Variants in MOXD1 observed in about 807,000 individuals in gnomAD.
MOXD1 encodes the protein DBH-like monooxygenase protein 1.
In MOXD1, 62 loss-of-function variants were observed where a neutral mutation model predicts 66.6. The observed-to-expected ratio is 0.93, with a 90% confidence interval of 0.76 to 1.15. The LOEUF (loss-of-function observed/expected upper bound fraction) is 1.15. Ranked by LOEUF, MOXD1 falls within the 50% of genes most tolerant of loss-of-function variation. The pLI, the probability that MOXD1 is intolerant of heterozygous loss-of-function variation, is 0.00. For missense variants in MOXD1, 847 were observed against 754.6 expected (o/e 1.12, Z -1.44); for synonymous variants, 303 against 281.9 (o/e 1.07, Z -0.75).
intron 1 of MOXD1, among the ~76,000 whole-genome samples, chr6:132,378,875 CTTTTTTTTTTTTTTTTTTTTTTTTTTT>C (rs3038136): frequency 1.7e-4 from 7 of 41,884 alleles, no homozygotes; most frequent in Non-Finnish European, 4.4e-4. Flanking sequence ...AACACTTCCT[CTTTTTTTTTTTTTTTTTTTTTTTTTTT>C]TTTTTTTTTT....
Position 132,401,256 on chromosome 6 carries a change from TGCA to T in MOXD1, c.168_170del (p.Ala57del). 1 of 1,596,030 alleles carries T rather than the reference TGCA, an allele frequency of 6.3e-7. No individual in the cohort carries two copies. The highest frequency in any genetic ancestry group is 1.9e-4 in the Middle Eastern group (1 of 5,398). Reference sequence around the variant, plus strand: ...GCGAGAAGCCGAAGCCCACGTAGCCTGCAGTGCGCACCTGGAGGCGGAAGGCGA... The same window carrying T: ...GCGAGAAGCCGAAGCCCACGTAGCCTGTGCGCACCTGGAGGCGGAAGGCGA... On this transcript the variant is annotated inframe_deletion, in exon 1 of 12. Coordinates refer to ENST00000367963, the MANE Select transcript of MOXD1 (RefSeq NM_015529.4).
chr6:132,356,552 G>A (rs148756784), intron 4 of MOXD1, among the ~76,000 whole-genome samples: 53 of 152,228 alleles, frequency 3.5e-4, no homozygotes, highest in Admixed American at 1.8e-3. Flanking sequence ...AATACATAAC[G>A]ATATACTTAC....
chr6:132,336,656 C>T (rs1346171670), intron 4 of MOXD1, among the ~76,000 whole-genome samples: 3 of 151,912 alleles, frequency 2.0e-5, no homozygotes, highest in East Asian at 3.9e-4. Context: ...TGTCAAGGGG[C>T]CACAGTCAAG....
chr6:132,348,306 A>G (rs1775706868), intron 4 of MOXD1, among the ~76,000 whole-genome samples: 1 of 152,244 alleles, frequency 6.6e-6, no homozygotes, highest in Admixed American at 6.5e-5. Flanking sequence ...ACAACCACCC[A>G]GGATTCTGTA....
intron 9 of MOXD1, among the ~76,000 whole-genome samples, chr6:132,320,380 G>A (rs1007072716): frequency 1.3e-5 from 2 of 151,994 alleles, no homozygotes; most frequent in African/African-American, 4.8e-5. Context: ...AAAAGACTAA[G>A]GATAGCTTTT....
intron 10 of MOXD1, among the ~76,000 whole-genome samples, chr6:132,303,555 C>T (rs1774595205): frequency 1.3e-5 from 2 of 151,610 alleles, no homozygotes; most frequent in African/African-American, 4.8e-5. Flanking sequence ...GGTTATTATG[C>T]TGTATTGTTA....
At chr6:132,377,030 C>G (rs1776405134) in intron 1 of MOXD1, among the ~76,000 whole-genome samples, 1 of 152,178 alleles carries the variant, frequency 6.6e-6, no homozygotes. Flanking sequence ...AGTCTGGATC[C>G]TTTTTCACTC....
At position 132,372,998 on chromosome 6, in the gene MOXD1, C is replaced by A; in HGVS notation, c.412-1G>T. Reference sequence around the variant, plus strand: ...CCCAGATCACTCTCACAGTGCTATCCTGGGGATCAGACATGGGCATGATTA... The same window carrying A: ...CCCAGATCACTCTCACAGTGCTATCATGGGGATCAGACATGGGCATGATTA... On this transcript the variant is annotated splice_acceptor_variant, in intron 2 of 11. Transcript: ENST00000367963. LOFTEE classifies it high-confidence loss of function. The A allele has an allele frequency of 1.2e-6, 2 of 1,610,036 alleles. No homozygotes were observed. Among genetic ancestry groups the A allele is most frequent in the Non-Finnish European group, 1.7e-6 (2 of 1,177,440 alleles).
At chr6:132,337,386 C>T (rs1052854440) in intron 4 of MOXD1, among the ~76,000 whole-genome samples, 1 of 152,158 alleles carries the variant, frequency 6.6e-6, no homozygotes, top group Non-Finnish European at 1.5e-5. Flanking sequence ...TTTACTCTTC[C>T]AGTTTATTTA....
intron 10 of MOXD1, among the ~76,000 whole-genome samples, chr6:132,305,273 C>A (rs1774662457): frequency 6.6e-6 from 1 of 152,260 alleles, no homozygotes; most frequent in East Asian, 1.9e-4. Flanking sequence ...CCTCTTCAGG[C>A]TTGACCCTGA....
At chr6:132,305,301 G>T (rs1198420343) in intron 10 of MOXD1, among the ~76,000 whole-genome samples, 1 of 152,220 alleles carries the variant, frequency 6.6e-6, no homozygotes, top group East Asian at 1.9e-4. Flanking sequence ...TTCCTCACTG[G>T]GTGGGGCTTC....
In MOXD1 at chr6:132,387,712, C is replaced by A. The variant is rs542634082; in HGVS notation, c.265-12935G>T. On this transcript the variant is annotated intron_variant, in intron 1 of 11. Transcript: ENST00000367963. ...GAGGTTGTAGTGAGCCAAGATCGCG[C>A]CACTGCACTCCAGTCTGGCAAAAAA... is the stretch of plus-strand genomic sequence containing the variant. Among the ~76,000 whole-genome samples the A allele has an allele frequency of 1.8e-3, 263 of 144,218 alleles. 3 individuals carry two copies. The highest frequency in any genetic ancestry group is 6.4e-3 in the African/African-American group (249 of 39,136). 94.6% of individuals were successfully genotyped at this position (144,218 alleles called of 152,430 possible).
At chr6:132,334,603 T>G (rs142338427) in intron 4 of MOXD1, among the ~76,000 whole-genome samples, 17 of 152,330 alleles carry the variant, frequency 1.1e-4, no homozygotes, top group African/African-American at 4.1e-4. Context: ...TTTCTTTGGT[T>G]TTGCTCTGCA....
intron 4 of MOXD1, among the ~76,000 whole-genome samples, chr6:132,334,073 T>C (rs755566990): frequency 6.6e-6 from 1 of 152,244 alleles, no homozygotes; most frequent in Non-Finnish European, 1.5e-5. Flanking sequence ...CCGTTTTTCC[T>C]AATCTCATCA....
intron 4 of MOXD1, among the ~76,000 whole-genome samples, chr6:132,334,581 A>C (rs1775398253): frequency 6.6e-6 from 1 of 152,246 alleles, no homozygotes; most frequent in Admixed American, 6.5e-5. Flanking sequence ...CTTTTGCCTC[A>C]GAACGTCAAT....
chr6:132,327,558 G>A (rs1003160818), intron 6 of MOXD1, among the ~76,000 whole-genome samples: 1 of 152,026 alleles, frequency 6.6e-6, no homozygotes, highest in African/African-American at 2.4e-5. Flanking sequence ...CATATTACAC[G>A]GTGTCACTGC....
At chr6:132,345,920 G>T (rs1446121243) in intron 4 of MOXD1, among the ~76,000 whole-genome samples, 1 of 152,040 alleles carries the variant, frequency 6.6e-6, no homozygotes, top group Non-Finnish European at 1.5e-5. Context: ...CTGATGGGGG[G>T]ATCCCAGCAA....
At chr6:132,381,490 T>C (rs1776507613) in intron 1 of MOXD1, among the ~76,000 whole-genome samples, 1 of 151,988 alleles carries the variant, frequency 6.6e-6, no homozygotes, top group South Asian at 2.1e-4. Context: ...CTTCATAGCA[T>C]TCAACTATTC....
chr6:132,335,279 A>ATTTT (rs60132905), intron 4 of MOXD1, among the ~76,000 whole-genome samples: 5 of 146,060 alleles, frequency 3.4e-5, no homozygotes, highest in Admixed American at 3.4e-4. Flanking sequence ...AAAGAAACAT[A>ATTTT]TTTTTTTTTT....
Sources: gnomAD v4.1 joint callset for allele counts (sites outside exome capture counted in the v4.1 genomes callset) on GRCh38, gnomAD v4.1.1 for gene constraint, MANE v1.5 for transcripts, NCBI Gene and HGNC (gene_info 2026-07-23, HGNC 2026-07-21) for gene names.